COL5A2: variants seen among roughly 807,000 people sequenced by gnomAD.
The protein encoded by COL5A2 is collagen alpha-2(V) chain.
In COL5A2, 23 loss-of-function variants were observed where a neutral mutation model predicts 208.2. The observed-to-expected ratio is 0.11, with a 90% CI of 0.08 to 0.16. The LOEUF (loss-of-function observed/expected upper bound fraction) is 0.16, where lower values mean the gene tolerates loss of function less well. Among genes scored for constraint, COL5A2 ranks in the 10% least tolerant of loss-of-function variants. The pLI is 1.00. For synonymous variants in COL5A2, 625 were observed against 628.5 expected, an observed-to-expected ratio of 0.99 and a Z score of 0.08; for missense variants, 1,590 against 1,956.4, an observed-to-expected ratio of 0.81 and a Z score of 3.53.
chr2:189,206,849 T>C (rs1358527841), intron 1 of COL5A2, among the ~76,000 whole-genome samples: 1 of 152,186 alleles, frequency 6.6e-6, no homozygotes, highest in Non-Finnish European at 1.5e-5. Flanking sequence ...TGGCCCAAGG[T>C]ACTCTGATAA....
chr2:189,411,898 T>C, the COL5A2 span, among the ~76,000 whole-genome samples: 5 of 152,266 alleles, frequency 3.3e-5, no homozygotes, highest in African/African-American at 7.2e-5. Context: ...CAGGAATGAA[T>C]TGCTACATAC....
intron 40 of COL5A2, 108 bp from the exon 41 acceptor site, chr2:189,052,333 T>C (rs1685807365): frequency 1.9e-6 from 2 of 1,049,186 alleles, no homozygotes; most frequent in Non-Finnish European, 2.9e-6. Context: ...AGATTTCCTT[T>C]CATGTTGTAA....
intron 1 of COL5A2, among the ~76,000 whole-genome samples, chr2:189,207,970 T>C (rs1275430035): frequency 6.6e-6 from 1 of 152,230 alleles, no homozygotes; most frequent in Non-Finnish European, 1.5e-5. Context: ...TTAGCCATAA[T>C]TCTCTGTTTT....
chr2:189,064,338 C>T (rs1256115470), intron 25 of COL5A2, among the ~76,000 whole-genome samples: 2 of 152,020 alleles, frequency 1.3e-5, no homozygotes, highest in African/African-American at 4.8e-5. Flanking sequence ...TTAATACATA[C>T]TGCTTTGAGA....
the COL5A2 span, among the ~76,000 whole-genome samples, chr2:189,243,468 T>A: frequency 6.6e-6 from 1 of 152,178 alleles, no homozygotes; most frequent in East Asian, 1.9e-4. Context: ...ACAGGGAAAC[T>A]CCCATTTTTA....
rs768807471 is a variant in COL5A2, at chr2:189,179,571, G to A, written c.34C>T (p.Leu12Phe). ...MANWAEARPL[L>F]ILIVLLGQFV... ...TGCCCTAATAAAACAATAAGAATGAGGAGAGGTCTTGCTTCCGCCCAGTTT... is the reference window on the plus strand; with the variant it reads ...TGCCCTAATAAAACAATAAGAATGAAGAGAGGTCTTGCTTCCGCCCAGTTT... The change falls in exon 1 of 54, where the codon CTC becomes TTC. Residue 12 changes from leucine (L) to phenylalanine (F), a missense_variant. By Grantham distance (22) the Leu-to-Phe change is conservative (BLOSUM62 0). Coordinates refer to ENST00000374866, the MANE Select transcript of COL5A2 (RefSeq NM_000393.5). 1.9e-6 allele frequency: 3 copies of A among 1,609,852 alleles called. No homozygotes were observed. Among genetic ancestry groups the A allele is most frequent in the Middle Eastern group, 1.7e-4 (1 of 6,054 alleles).
chr2:189,158,228 C>A (rs1486978769), intron 1 of COL5A2, among the ~76,000 whole-genome samples: 1 of 151,876 alleles, frequency 6.6e-6, no homozygotes, highest in Non-Finnish European at 1.5e-5. Context: ...AGGTTAAAAA[C>A]CAATATTATT....
At chr2:189,311,766 C>A in the COL5A2 span, 16 of 819,106 alleles carry the variant, frequency 2.0e-5, no homozygotes, top group African/African-American at 5.0e-5. Flanking sequence ...CCTCTCGGTT[C>A]TTCCAAGCCA....
chr2:189,085,514 ATAAATT>A (rs1289055589), intron 10 of COL5A2, among the ~76,000 whole-genome samples, 199 bp downstream of exon 10: 8 of 152,242 alleles, frequency 5.3e-5, no homozygotes, highest in Non-Finnish European at 8.8e-5. Flanking sequence ...ATTTAAATAA[ATAAATT>A]TAAATAGTCT....
At chr2:189,366,199 C>T in the COL5A2 span, among the ~76,000 whole-genome samples, 5 of 152,138 alleles carry the variant, frequency 3.3e-5, no homozygotes, top group Non-Finnish European at 7.4e-5. Flanking sequence ...CAGTAATAAG[C>T]GTTCCATAAA....
At chr2:189,338,101 A>G in the COL5A2 span, among the ~76,000 whole-genome samples, 1 of 152,206 alleles carries the variant, frequency 6.6e-6, no homozygotes, top group Non-Finnish European at 1.5e-5. Context: ...ACAGCCTAAG[A>G]AAAATTACTA....
At chr2:189,081,704 G>T (rs1000619490) in intron 12 of COL5A2, among the ~76,000 whole-genome samples, 9 of 151,988 alleles carry the variant, frequency 5.9e-5, no homozygotes, top group African/African-American at 2.2e-4. Flanking sequence ...GAGAATGCTT[G>T]GTTTCTTGAC....
chr2:189,147,107 T>A (rs1576555674), intron 1 of COL5A2, among the ~76,000 whole-genome samples: 1 of 152,168 alleles, frequency 6.6e-6, no homozygotes. Context: ...AAAAGAATAG[T>A]TAGTTCTTTT....
Position 189,079,972 on chromosome 2 carries a change from G to T in COL5A2, c.960+6C>A. On this transcript the variant is annotated splice_donor_region_variant and intron_variant, in intron 14 of 53. Coordinates refer to ENST00000374866, the MANE Select transcript of COL5A2 (RefSeq NM_000393.5). The stretch of plus-strand genomic sequence containing the variant: ...TGAGGTTACAGTGAGATAATTATAA[G>T]ATTACCTTGGAACCAGGTGCTCCAA... 4 of 1,610,640 alleles carry T rather than the reference G, an allele frequency of 2.5e-6. No individual in the cohort carries two copies. The African/African-American group carries it at 4.0e-5, about 16-fold the overall frequency.
intron 1 of COL5A2, among the ~76,000 whole-genome samples, chr2:189,164,102 C>T (rs534807098): frequency 2.4e-4 from 36 of 152,166 alleles, no homozygotes; most frequent in African/African-American, 7.2e-4. Context: ...TTTTTCTAAA[C>T]GTTTGGCTCA....
chr2:189,109,683 A>G (rs1044934988), intron 2 of COL5A2, among the ~76,000 whole-genome samples: 1 of 152,204 alleles, frequency 6.6e-6, no homozygotes, highest in African/African-American at 2.4e-5. Flanking sequence ...AAGTTTTAAA[A>G]GTTTTACTTT....
the COL5A2 span, among the ~76,000 whole-genome samples, chr2:189,368,778 T>C: frequency 2.0e-5 from 3 of 152,286 alleles, no homozygotes; most frequent in East Asian, 3.9e-4. Context: ...ACTTTCTCCT[T>C]TCCTAATGAA....
At chr2:189,432,442 A>C in the COL5A2 span, among the ~76,000 whole-genome samples, 1 of 152,206 alleles carries the variant, frequency 6.6e-6, no homozygotes, top group Non-Finnish European at 1.5e-5. Context: ...GACCCATCTC[A>C]CATGCAGAGA....
intron 38 of COL5A2, among the ~76,000 whole-genome samples, 193 bp from the exon 39 acceptor site, chr2:189,053,211 C>T (rs1486688142): frequency 1.3e-5 from 2 of 152,148 alleles, no homozygotes; most frequent in East Asian, 1.9e-4. Context: ...AGCTATCCCA[C>T]TGCATTTTTA....
Sources: gnomAD v4.1 joint callset for allele counts (sites outside exome capture counted in the v4.1 genomes callset) on GRCh38, gnomAD v4.1.1 for gene constraint, MANE v1.5 for transcripts, NCBI Gene and HGNC (gene_info 2026-07-23, HGNC 2026-07-21) for gene names.